GTF3C1: variants seen among roughly 807,000 people sequenced by gnomAD.
GTF3C1 encodes the protein general transcription factor 3C polypeptide 1.
In GTF3C1, 57 loss-of-function variants were observed where a neutral mutation model predicts 226.7. That is an observed-to-expected ratio of 0.25 (90% CI 0.20 to 0.31). The LOEUF is 0.31. Among genes scored for constraint, GTF3C1 ranks in the 10% least tolerant of loss-of-function variants. GTF3C1 has a pLI of 1.00. For synonymous variants in GTF3C1, 1,090 were observed against 1,084.8 expected (o/e 1.00, Z -0.09); for missense variants, 2,217 against 2,776.1 (o/e 0.80, Z 4.53).
rs749724832 is a variant in GTF3C1 at position 27,470,266 on chromosome 16, G to A, written c.4656C>T (p.Pro1552=). 3.7e-6 allele frequency: 6 copies of A among 1,613,946 alleles called. No homozygotes were observed. Among genetic ancestry groups the A allele is most frequent in the Non-Finnish European group, 5.1e-6 (6 of 1,179,824 alleles). ...FSFKDQDNNE[P]TNDMVAFSLD... The stretch of plus-strand genomic sequence containing the variant: ...GTGAAAAGGCCACCATGTCGTTTGT[G>A]GGCTCGTTATTATCCTGGTCTTTGA... The change falls in exon 31 of 37, where the codon CCC becomes CCT. Residue 1552 remains proline, a synonymous_variant. Coordinates refer to ENST00000356183, the MANE Select transcript of GTF3C1 (RefSeq NM_001520.4). This position sits in a 1 kb window ranked among gnomAD's most constrained non-coding sequence, Gnocchi z 4.9.
intron 7 of GTF3C1, among the ~76,000 whole-genome samples, chr16:27,510,471 CACTTGA>C (rs2088556747): frequency 6.6e-6 from 1 of 152,012 alleles, no homozygotes; most frequent in Non-Finnish European, 1.5e-5. Flanking sequence ...GCAGGAGAAT[CACTTGA>C]ACTTGGGAGG....
chr16:27,526,917 T>TA (rs1405985949), intron 6 of GTF3C1, among the ~76,000 whole-genome samples: 1 of 152,164 alleles, frequency 6.6e-6, no homozygotes, highest in Non-Finnish European at 1.5e-5. Context: ...CAAGAATAGA[T>TA]AAAAATAACT....
At chr16:27,487,649 C>T (rs1596626652) in intron 23 of GTF3C1, among the ~76,000 whole-genome samples, 1 of 152,078 alleles carries the variant, frequency 6.6e-6, no homozygotes, top group Non-Finnish European at 1.5e-5. Context: ...TAAAATTAAC[C>T]GGGTGTGGTG....
chr16:27,470,656 G>C lies in GTF3C1; in HGVS notation c.4527-261C>G, dbSNP rs906895053. ...CTAATTCAATGTGGCCTCACCTGGC[G>C]CTCCAGGAGGGCGCTGGCAGGCTCA... On this transcript the variant is annotated intron_variant, in intron 30 of 36. Transcript: ENST00000356183. The surrounding 1 kb of genome is among the most constrained non-coding windows in gnomAD (Gnocchi z 4.9). 8 of 472,232 alleles carry C rather than the reference G, an allele frequency of 1.7e-5. No homozygotes were observed. The Admixed American group carries it at 2.9e-4, about 17-fold the overall frequency. The allele number at this position is 472,232 out of a possible 1,614,324, so 29.3% of individuals were successfully genotyped here.
chr16:27,502,761 G>T, intron 11 of GTF3C1, 98 bp downstream of exon 11: 1 of 1,243,428 alleles, frequency 8.0e-7, no homozygotes, highest in Non-Finnish European at 1.1e-6. Flanking sequence ...ACAGAGATTT[G>T]AATGCCCCTC....
chr16:27,504,733 T>G (rs2088457946), intron 10 of GTF3C1, among the ~76,000 whole-genome samples: 1 of 151,662 alleles, frequency 6.6e-6, no homozygotes, highest in Admixed American at 6.6e-5. Flanking sequence ...CTGGGCAACA[T>G]GATGAAACCA....
At position 27,538,188 on chromosome 16, in the gene GTF3C1, A is replaced by G. The variant is rs1359578384; in HGVS notation, c.600T>C (p.Thr200=). Residue 200 remains threonine (T), a synonymous_variant, in exon 3 of 37, where the codon ACT becomes ACC. Coordinates refer to ENST00000356183, the MANE Select transcript of GTF3C1 (RefSeq NM_001520.4). ...QGELQRDLHT[T]AFKVDAGKLH... ...CAAATCCCCCCACTTACTTGAAAGC[A>G]GTGGTGTGAAGGTCTCGCTGGAGCT... The G allele has an allele frequency of 4.5e-6, 7 of 1,558,204 alleles. No homozygotes were observed. The highest frequency in any genetic ancestry group is 6.1e-6 in the Non-Finnish European group (7 of 1,154,032).
At chr16:27,519,224 G>A (rs911440421) in intron 6 of GTF3C1, among the ~76,000 whole-genome samples, 3 of 152,206 alleles carry the variant, frequency 2.0e-5, no homozygotes, top group African/African-American at 4.8e-5. Flanking sequence ...AGGTGGAAAA[G>A]AAGGGGCCTA....
chr16:27,525,129 C>A (rs985231430), intron 6 of GTF3C1, among the ~76,000 whole-genome samples: 4 of 147,780 alleles, frequency 2.7e-5, no homozygotes, highest in Non-Finnish European at 5.9e-5. Context: ...CCAGCCTGGG[C>A]AATAGAGAGA....
In GTF3C1 at chr16:27,462,188, G is replaced by T; in HGVS notation, c.6117+106C>A. 1.3e-6 allele frequency: 1 copy of T among 744,924 alleles called. No homozygotes were observed. The highest frequency in any genetic ancestry group is 2.2e-6 in the Non-Finnish European group (1 of 453,516). 46.1% of individuals were successfully genotyped at this position (744,924 alleles called of 1,614,324 possible). ...AAGCTGGGGGAGGAGGTGCAGGCAA[G>T]CAGTATGGTGGTACTGCATGTTGCC... On this transcript the variant is annotated intron_variant, in intron 36 of 36. Transcript: ENST00000356183. The surrounding 1 kb of genome is among the most constrained non-coding windows in gnomAD (Gnocchi z 4.5).
intron 33 of GTF3C1, 87 bp from the exon 34 acceptor site, chr16:27,464,923 G>T: frequency 8.6e-7 from 1 of 1,167,578 alleles, no homozygotes; most frequent in Non-Finnish European, 1.2e-6. Context: ...GGCCTCCCCT[G>T]ACTGGCGGGT....
chr16:27,549,828 C>A lies in GTF3C1; in HGVS notation c.63G>T (p.Leu21=), dbSNP rs760453900. 8 of 1,613,000 alleles carry A rather than the reference C, an allele frequency of 5.0e-6. 1 individual carries two copies. The highest frequency in any genetic ancestry group is 5.9e-6 in the Non-Finnish European group (7 of 1,179,812). ...VALEGLDGLC[L]PALWSRLETR... ...TCTCCAGCCGGCTCCACAGCGCTGGCAGACACAGGCCATCGAGCCCCTCCA... is the reference window on the plus strand; with the variant it reads ...TCTCCAGCCGGCTCCACAGCGCTGGAAGACACAGGCCATCGAGCCCCTCCA... The change falls in exon 1 of 37, where the codon CTG becomes CTT. Residue 21 remains leucine, a synonymous_variant. Coordinates refer to ENST00000356183, the MANE Select transcript of GTF3C1 (RefSeq NM_001520.4).
Position 27,462,667 on chromosome 16 carries a change from T to C in GTF3C1, c.5925-181A>G, listed in dbSNP as rs903251724. On this transcript the variant is annotated intron_variant, in intron 35 of 36. Coordinates refer to ENST00000356183, the MANE Select transcript of GTF3C1 (RefSeq NM_001520.4). The surrounding 1 kb of genome is among the most constrained non-coding windows in gnomAD (Gnocchi z 4.5). ...TCTCCTGTCTGGACAGAGGGGCCCT[T>C]GACCGCCAGCTGGGTGGAACCAGGA... 6.9e-6 allele frequency: 4 copies of C among 580,150 alleles called. No homozygotes were observed. Among genetic ancestry groups the C allele is most frequent in the Non-Finnish European group, 1.2e-5 (4 of 325,196 alleles). 35.9% of individuals were successfully genotyped at this position (580,150 alleles called of 1,614,324 possible).
intron 7 of GTF3C1, 85 bp downstream of exon 7, chr16:27,511,664 A>G: frequency 1.4e-6 from 2 of 1,397,300 alleles, no homozygotes; most frequent in Non-Finnish European, 2.0e-6. Flanking sequence ...TCTATAGCAG[A>G]GCTCTCTCTC....
rs1596625310 is a variant in GTF3C1 at position 27,485,920 on chromosome 16, G to A, written c.3858+77C>T. On this transcript the variant is annotated intron_variant, in intron 24 of 36. Coordinates refer to ENST00000356183, the MANE Select transcript of GTF3C1 (RefSeq NM_001520.4). Reference sequence around the variant, plus strand: ...AGCTGAGAGGAGTGGTCTCTGGCTGGGAGTCCCCGGAAGGCTCAGACAGGA... The same window carrying A: ...AGCTGAGAGGAGTGGTCTCTGGCTGAGAGTCCCCGGAAGGCTCAGACAGGA... The A allele has an allele frequency of 1.3e-5, 12 of 910,780 alleles. No homozygotes were observed. The East Asian group carries it at 3.2e-4, about 24-fold the overall frequency. 56.4% of individuals were successfully genotyped at this position (910,780 alleles called of 1,614,324 possible).
chr16:27,466,448 C>G (rs2087788496), intron 32 of GTF3C1: 1 of 152,200 alleles, frequency 6.6e-6, no homozygotes, highest in Non-Finnish European at 1.5e-5. Flanking sequence ...TGTGTTCTGG[C>G]AACTCCAGGG....
chr16:27,492,645 G>T lies in GTF3C1; in HGVS notation c.2945C>A (p.Pro982His). Reference sequence around the variant, plus strand: ...ATCTTTATCCTGAAACTTTTCCGTGGGACCAAACTGTAGCAGCCCCATGTA... The same window carrying T: ...ATCTTTATCCTGAAACTTTTCCGTGTGACCAAACTGTAGCAGCCCCATGTA... The part of the protein sequence containing the change: ...LCYMGLLQFG[P>H]TEKFQDKDQV... The change falls in exon 18 of 37, where the codon CCC (proline) becomes CAC (histidine). Residue 982 changes from proline (P) to histidine (H), a missense_variant. Around this residue, in one of 12 missense-constraint regions of GTF3C1, gnomAD observed 353 missense variants for 411.7 expected, o/e 0.86. Coordinates refer to ENST00000356183, the MANE Select transcript of GTF3C1 (RefSeq NM_001520.4). The surrounding 1 kb of genome is among the most constrained non-coding windows in gnomAD (Gnocchi z 5.0). 6.2e-7 allele frequency: 1 copy of T among 1,603,070 alleles called. No individual in the cohort carries two copies. The highest frequency in any genetic ancestry group is 8.5e-7 in the Non-Finnish European group (1 of 1,169,990).
In GTF3C1 at chr16:27,497,820, C is replaced by A; in HGVS notation, c.2167G>T (p.Val723Phe). ...RISNSSTANR[V>F]KTSQPPVPQG... is the part of the protein sequence containing the mutation. ...GGCACTGGAGGCTGGGAAGTTTTAA[C>A]CCTGCAGTTCAAATAAACATGCAAT... The change falls in exon 14 of 37, where the codon GTT becomes TTT. Residue 723 changes from valine to phenylalanine, a missense_variant and splice_region_variant. Physicochemically the swap from Val to Phe is conservative, Grantham distance 50 (BLOSUM62 -1). Around this residue, in one of 12 missense-constraint regions of GTF3C1, gnomAD observed 100 missense variants for 139.9 expected, o/e 0.71. Transcript: ENST00000356183. The A allele has an allele frequency of 1.2e-6, 2 of 1,609,354 alleles. No individual in the cohort carries two copies. The highest frequency in any genetic ancestry group is 1.1e-5 in the South Asian group (1 of 90,764).
intron 24 of GTF3C1, among the ~76,000 whole-genome samples, chr16:27,485,767 T>C (rs2088129144): frequency 6.6e-6 from 1 of 152,238 alleles, no homozygotes; most frequent in African/African-American, 2.4e-5. Context: ...TGAGGCCAGG[T>C]TGAGGATGCA....
Sources: allele counts gnomAD v4.1 joint callset (sites outside exome capture counted in the v4.1 genomes callset), GRCh38; gene constraint gnomAD v4.1.1; regional missense constraint gnomAD v4.1.1; non-coding constraint Gnocchi (gnomAD v3.1); transcripts MANE v1.5; gene names NCBI Gene and HGNC (gene_info 2026-07-23, HGNC 2026-07-21).